GOLIM4: variants seen among roughly 807,000 people sequenced by gnomAD.
The protein encoded by GOLIM4 is golgi integral membrane protein 4, also known as 130 kDa golgi-localized phosphoprotein.
In GOLIM4, 71 loss-of-function variants were observed where a neutral mutation model predicts 107.4. That is an observed-to-expected ratio of 0.66 (90% CI 0.55 to 0.81). The LOEUF is 0.81. GOLIM4 is among the 30% of genes least tolerant of loss of function. GOLIM4 has a pLI of 0.00. For synonymous variants in GOLIM4, 327 were observed against 294.8 expected (o/e 1.11, Z -1.12); for missense variants, 830 against 826.1 (o/e 1.00, Z -0.06).
At chr3:168,071,340 G>A (rs1720819539) in intron 1 of GOLIM4, among the ~76,000 whole-genome samples, 2 of 152,052 alleles carry the variant, frequency 1.3e-5, no homozygotes, top group South Asian at 4.1e-4. Context: ...GCCTAATTCA[G>A]TGCATGGCAC....
Position 168,029,231 on chromosome 3 carries a change from T to C in GOLIM4, c.1505A>G (p.Glu502Gly), listed in dbSNP as rs115779560. The C allele has an allele frequency of 4.4e-4, 700 of 1,599,114 alleles. 4 individuals carry two copies. In the African/African-American group the frequency reaches 7.9e-3, roughly 18 times the overall value. ...QGAEDQGIQG[E>G]EGAYERDNQH... ...CTAGGAAGTCTCACCACCTCCTTCC[T>C]CTCCTTGGATTCCCTGGTCCTCTGC... Residue 502 changes from glutamate to glycine, a missense_variant, in exon 11 of 16, where the codon GAG (glutamate) becomes GGG (glycine). Transcript: ENST00000470487.
At chr3:168,034,861 G>T (rs951118063) in intron 8 of GOLIM4, among the ~76,000 whole-genome samples, 15 of 152,182 alleles carry the variant, frequency 9.9e-5, no homozygotes, top group African/African-American at 3.6e-4. Context: ...TGCCATCCAT[G>T]GAAGATGGGA....
intron 13 of GOLIM4, 48 bp from the exon 14 acceptor site, chr3:168,024,642 C>T (rs772104144): frequency 1.4e-6 from 2 of 1,413,080 alleles, no homozygotes; most frequent in South Asian, 2.3e-5. Flanking sequence ...ATCAGAGATG[C>T]CTTTTACACA....
intron 1 of GOLIM4, among the ~76,000 whole-genome samples, chr3:168,055,229 C>G (rs1030242978): frequency 1.3e-5 from 2 of 152,078 alleles, no homozygotes; most frequent in African/African-American, 2.4e-5. Flanking sequence ...CAGAAGAAGA[C>G]AGAAAGATGT....
chr3:168,086,162 A>G (rs1363911554), intron 1 of GOLIM4, among the ~76,000 whole-genome samples: 1 of 152,108 alleles, frequency 6.6e-6, no homozygotes, highest in African/African-American at 2.4e-5. Context: ...AATTTAAAAC[A>G]TTTTCTGTCT....
chr3:168,056,529 C>T (rs550813495), intron 1 of GOLIM4, among the ~76,000 whole-genome samples: 4 of 152,306 alleles, frequency 2.6e-5, no homozygotes, highest in East Asian at 1.9e-4. Flanking sequence ...ACACTCAACA[C>T]GAGCCCATGA....
At chr3:168,067,149 T>G (rs559738875) in intron 1 of GOLIM4, among the ~76,000 whole-genome samples, 24 of 152,216 alleles carry the variant, frequency 1.6e-4, no homozygotes, top group African/African-American at 5.8e-4. Flanking sequence ...ATTTTTTGTT[T>G]AAAAATTTAA....
intron 10 of GOLIM4, 33 bp from the exon 11 acceptor site, chr3:168,029,335 G>C (rs1190040704): frequency 1.4e-6 from 2 of 1,391,214 alleles, no homozygotes; most frequent in African/African-American, 2.8e-5. Context: ...AAATCCAGTG[G>C]GACAAAATTC....
Position 168,024,976 on chromosome 3 carries a change from T to C in GOLIM4, c.1743A>G (p.Lys581=). The change falls in exon 13 of 16, where the codon AAA becomes AAG. Residue 581 remains lysine (K), a synonymous_variant. Transcript: ENST00000470487. ...ENLPDENEEQ[K]QSNQKQENTE... ...TATTCTCTTGCTTTTGATTACTTTG[T>C]TTTTGCTCTTCATTTTCATCTGGCA... is the stretch of plus-strand genomic sequence containing the variant. The C allele has an allele frequency of 6.2e-7, 1 of 1,614,088 alleles. No individual in the cohort carries two copies.
At position 168,089,013 on chromosome 3, in the gene GOLIM4, G is replaced by A. The variant is rs1343607402; in HGVS notation, c.187+6086C>T. On this transcript the variant is annotated intron_variant, in intron 1 of 15. Coordinates refer to ENST00000470487, the MANE Select transcript of GOLIM4 (RefSeq NM_014498.5). Reference sequence around the variant, plus strand: ...TAGAGTTGGCATGTTACATATTAGAGGGATGACTAAGGTGGGCACAACGTG... The same window carrying A: ...TAGAGTTGGCATGTTACATATTAGAAGGATGACTAAGGTGGGCACAACGTG... Among the ~76,000 whole-genome samples the A allele has an allele frequency of 2.6e-5, 4 of 152,290 alleles. No individual in the cohort carries two copies. The East Asian group carries it at 5.8e-4, about 22-fold the overall frequency.
Position 168,029,280 on chromosome 3 carries a change from T to C in GOLIM4, c.1456A>G (p.Met486Val). 3.1e-6 allele frequency: 5 copies of C among 1,608,028 alleles called. No homozygotes were observed. The highest frequency in any genetic ancestry group is 4.3e-6 in the Non-Finnish European group (5 of 1,176,002). ...QLRQQAHYDAMDNDIVQGAED... is the reference protein window; with the variant it reads ...QLRQQAHYDAVDNDIVQGAED... ...GCTCCCTGAACGATATCATTATCCATAGCATCATAATGAGCTTGCTGCCTA... is the reference window on the plus strand; with the variant it reads ...GCTCCCTGAACGATATCATTATCCACAGCATCATAATGAGCTTGCTGCCTA... The change falls in exon 11 of 16, where the codon ATG becomes GTG. Residue 486 changes from methionine to valine, a missense_variant. By Grantham distance (21) the Met-to-Val change is conservative. Transcript: ENST00000470487.
At position 168,025,009 on chromosome 3, in the gene GOLIM4, T is replaced by C. The variant is rs779858232; in HGVS notation, c.1710A>G (p.Glu570=). 3 of 1,613,988 alleles carry C rather than the reference T, an allele frequency of 1.9e-6. No individual in the cohort carries two copies. The highest frequency in any genetic ancestry group is 2.2e-5 in the East Asian group (1 of 44,880). The change falls in exon 13 of 16, where the codon GAA becomes GAG. Residue 570 remains glutamate, a synonymous_variant. Transcript: ENST00000470487. ...CTTCATTTTCATCTGGCAAATTTTC[T>C]TCTCTCACTTGCTCGGCTTCTTCAA... is the stretch of plus-strand genomic sequence containing the variant. ...DEFEEAEQVR[E]ENLPDENEEQ...
chr3:168,093,265 C>T (rs898988127), intron 1 of GOLIM4, among the ~76,000 whole-genome samples: 1 of 152,196 alleles, frequency 6.6e-6, no homozygotes, highest in Non-Finnish European at 1.5e-5. Context: ...TTTTATTTGG[C>T]TTTCAAAAAG....
chr3:168,057,122 G>A (rs919410936), intron 1 of GOLIM4, among the ~76,000 whole-genome samples: 14 of 152,096 alleles, frequency 9.2e-5, no homozygotes, highest in African/African-American at 2.2e-4. Context: ...TAAGTCTAAC[G>A]AGAGCTGATG....
At chr3:168,050,872 A>AATAATAAT (rs1560090504) in intron 1 of GOLIM4, among the ~76,000 whole-genome samples, 1 of 131,828 alleles carries the variant, frequency 7.6e-6, no homozygotes, top group South Asian at 2.3e-4. Context: ...ATAATAATAA[A>AATAATAAT]ACCTAGCAGC....
intron 1 of GOLIM4, among the ~76,000 whole-genome samples, chr3:168,072,378 A>T (rs1035018181): frequency 6.3e-4 from 75 of 119,520 alleles, no homozygotes; most frequent in East Asian, 1.3e-3. Flanking sequence ...GATGTGATTT[A>T]AAAAAAAAAA....
chr3:168,016,227 C>T (rs1272441480), intron 14 of GOLIM4, among the ~76,000 whole-genome samples: 18 of 133,182 alleles, frequency 1.4e-4, no homozygotes, highest in African/African-American at 2.8e-4. Flanking sequence ...AAAAAGTGGG[C>T]GAAGGACATG....
intron 1 of GOLIM4, among the ~76,000 whole-genome samples, chr3:168,087,363 G>GA (rs1721680743): frequency 6.6e-6 from 1 of 152,102 alleles, no homozygotes; most frequent in Admixed American, 6.6e-5. Flanking sequence ...GAAAAACAGA[G>GA]AAGCAACTCT....
intron 1 of GOLIM4, among the ~76,000 whole-genome samples, chr3:168,058,776 T>A (rs1343666893): frequency 6.6e-6 from 1 of 152,166 alleles, no homozygotes; most frequent in Non-Finnish European, 1.5e-5. Flanking sequence ...AAGCAAATAC[T>A]ATATTCTCAA....
Sources: allele counts gnomAD v4.1 joint callset (sites outside exome capture counted in the v4.1 genomes callset), GRCh38; gene constraint gnomAD v4.1.1; transcripts MANE v1.5; gene names NCBI Gene and HGNC (gene_info 2026-07-23, HGNC 2026-07-21).